The following PHF24 variants were observed in gnomAD, a reference collection of about 807,000 sequenced individuals.
The protein encoded by PHF24 is Galpha inhibitory interacting protein.
Under a neutral mutation model 42.6 loss-of-function variants are expected in PHF24, and 25 were observed. The observed-to-expected ratio is 0.59, with a 90% CI of 0.43 to 0.82. The LOEUF is 0.82. Ranked by LOEUF, PHF24 falls within the 40% of genes least tolerant of loss-of-function variation. The probability of loss-of-function intolerance (pLI) is 0.00; values close to 1 mark genes in which losing one functional copy is unlikely to be tolerated. For missense variants in PHF24, 470 were observed against 538.1 expected (o/e 0.87, Z 1.25); for synonymous variants, 185 against 204.8 (o/e 0.90, Z 0.83).
chr9:34,884,472 G>A, the PHF24 span, among the ~76,000 whole-genome samples: 30 of 152,108 alleles, frequency 2.0e-4, no homozygotes, highest in Admixed American at 1.4e-3. Context: ...TCTTTCCAGG[G>A]ATTCAGCCTG....
At chr9:34,977,214 G>T (rs1827225883) in exon 6 of PHF24, 1 of 1,611,830 alleles carries the variant, frequency 6.2e-7, no homozygotes, top group African/African-American at 1.3e-5. Context: ...TTTGCAAACG[G>T]TTCCCAGAGG....
the PHF24 span, among the ~76,000 whole-genome samples, chr9:34,790,185 A>G: frequency 6.6e-6 from 1 of 152,198 alleles, no homozygotes; most frequent in Non-Finnish European, 1.5e-5. Flanking sequence ...GGAGGTTTAC[A>G]TAATTGTTTT....
At chr9:34,729,027 C>T in the PHF24 span, among the ~76,000 whole-genome samples, 274 of 152,274 alleles carry the variant, frequency 1.8e-3, no homozygotes, top group African/African-American at 6.0e-3. Context: ...AGAGAGCTTC[C>T]GAGATCCAGC....
the PHF24 span, among the ~76,000 whole-genome samples, chr9:34,699,731 A>G: frequency 6.6e-6 from 1 of 152,218 alleles, no homozygotes; most frequent in Non-Finnish European, 1.5e-5. Context: ...TTCATTCAAT[A>G]AATATTTATT....
the PHF24 span, among the ~76,000 whole-genome samples, chr9:34,695,155 C>T: frequency 1.3e-5 from 2 of 152,254 alleles, no homozygotes; most frequent in African/African-American, 2.4e-5. Context: ...CCACCCACTC[C>T]CCACCTCTGG....
At chr9:34,715,925 T>C in the PHF24 span, among the ~76,000 whole-genome samples, 1 of 152,188 alleles carries the variant, frequency 6.6e-6, no homozygotes, top group South Asian at 2.1e-4. Context: ...CTGGTGGGGT[T>C]TCCAGGGCAG....
chr9:34,712,838 A>G, the PHF24 span, among the ~76,000 whole-genome samples: 1,790 of 152,236 alleles, frequency 0.012, 38 homozygotes, highest in African/African-American at 0.041. Context: ...CACCCTTATC[A>G]TCAAACCTCC....
chr9:34,947,319 C>T, the PHF24 span, among the ~76,000 whole-genome samples: 3 of 152,176 alleles, frequency 2.0e-5, no homozygotes, highest in Non-Finnish European at 2.9e-5. Context: ...TGAAAAATTC[C>T]TATCACCTAG....
the PHF24 span, among the ~76,000 whole-genome samples, chr9:34,706,862 A>G: frequency 1.3e-5 from 2 of 152,056 alleles, no homozygotes; most frequent in African/African-American, 4.8e-5. Context: ...ATAGAGGCTC[A>G]CACCTGTAAT....
the PHF24 span, among the ~76,000 whole-genome samples, chr9:34,780,298 C>CTTTTTTTTTTTTTTTTT: frequency 7.7e-4 from 49 of 63,888 alleles, no homozygotes; most frequent in African/African-American, 1.1e-3. Context: ...TTCTTTTTTT[C>CTTTTTTTTTTTTTTTTT]TTTTTTTTTT....
At chr9:34,817,835 T>C in the PHF24 span, among the ~76,000 whole-genome samples, 1 of 152,236 alleles carries the variant, frequency 6.6e-6, no homozygotes, top group Non-Finnish European at 1.5e-5. Flanking sequence ...GCAATTGTTC[T>C]AGTACTATCT....
At chr9:34,713,087 A>G in the PHF24 span, among the ~76,000 whole-genome samples, 22 of 152,282 alleles carry the variant, frequency 1.4e-4, no homozygotes, top group African/African-American at 5.1e-4. Context: ...GCTGATATAC[A>G]CTTGTTGAGA....
the PHF24 span, among the ~76,000 whole-genome samples, chr9:34,808,465 G>A: frequency 0.023 from 3,449 of 152,028 alleles, 42 homozygotes; most frequent in African/African-American, 0.033. Flanking sequence ...CTATCCCCCC[G>A]CCAAAAAAAT....
At chr9:34,689,624 C>T in the PHF24 span, 1 of 600,062 alleles carries the variant, frequency 1.7e-6, no homozygotes, top group South Asian at 2.3e-5. This position sits in a 1 kb window ranked among gnomAD's most constrained non-coding sequence, Gnocchi z 4.1. Flanking sequence ...GGGGGTGGAG[C>T]AGCTTTACTC....
At chr9:34,919,181 G>T in the PHF24 span, among the ~76,000 whole-genome samples, 4 of 152,010 alleles carry the variant, frequency 2.6e-5, no homozygotes, top group Non-Finnish European at 5.9e-5. Flanking sequence ...ACATTTTATT[G>T]ATATGTAATT....
the PHF24 span, among the ~76,000 whole-genome samples, chr9:34,714,515 C>T: frequency 2.0e-3 from 308 of 152,310 alleles, no homozygotes; most frequent in African/African-American, 7.0e-3. Flanking sequence ...CACGCCAGAC[C>T]GCCTTAAATA....
chr9:34,854,641 CTGTT>C, the PHF24 span, among the ~76,000 whole-genome samples: 4 of 152,020 alleles, frequency 2.6e-5, no homozygotes, highest in African/African-American at 9.7e-5. Context: ...GTATGGGAGA[CTGTT>C]TGTTATTATG....
At chr9:34,897,463 C>T in the PHF24 span, among the ~76,000 whole-genome samples, 4 of 152,258 alleles carry the variant, frequency 2.6e-5, no homozygotes, top group Non-Finnish European at 5.9e-5. Flanking sequence ...ATGAATACAA[C>T]CATCTTATTC....
the PHF24 span, among the ~76,000 whole-genome samples, chr9:34,936,779 G>A: frequency 6.7e-6 from 1 of 149,782 alleles, no homozygotes; most frequent in African/African-American, 2.5e-5. Flanking sequence ...TGGGAGGTGA[G>A]GACCGTCTCT....
Sources: gnomAD v4.1 joint callset for allele counts (sites outside exome capture counted in the v4.1 genomes callset) on GRCh38, gnomAD v4.1.1 for gene constraint, Gnocchi (gnomAD v3.1) non-coding constraint, MANE v1.5 for transcripts, NCBI Gene and HGNC (gene_info 2026-07-23, HGNC 2026-07-21) for gene names.